The following DMXL1 variants were observed in gnomAD, a reference collection of about 807,000 sequenced individuals.
The protein encoded by DMXL1 is Dmx like 1.
Under a neutral mutation model 319.2 loss-of-function variants are expected in DMXL1, and 99 were observed. That is an observed-to-expected ratio of 0.31 (90% CI 0.26 to 0.37). The LOEUF is 0.37. Ranked by LOEUF, DMXL1 falls within the 10% of genes least tolerant of loss-of-function variation. The probability of loss-of-function intolerance (pLI) is 1.00; values close to 1 mark genes in which losing one functional copy is unlikely to be tolerated. For missense variants in DMXL1, 3,745 were observed against 3,595.6 expected (o/e 1.04, Z -1.06); for synonymous variants, 1,385 against 1,235.2 (o/e 1.12, Z -2.54).
chr5:119,119,153 T>A (rs1761483820), intron 8 of DMXL1, 149 bp downstream of exon 8: 2 of 518,736 alleles, frequency 3.9e-6, no homozygotes, highest in Middle Eastern at 5.3e-4. Flanking sequence ...AAAAACATAT[T>A]TTTATCTAGA....
At chr5:119,207,271 GAATTAATGATATTAA>G (rs1480715157) in intron 34 of DMXL1, among the ~76,000 whole-genome samples, 2 of 151,808 alleles carry the variant, frequency 1.3e-5, no homozygotes, top group Non-Finnish European at 2.9e-5. Context: ...CTAAAATTAG[GAATTAATGATATTAA>G]AATTAATGAT....
chr5:119,236,808 A>ATACC (rs1403531732), intron 39 of DMXL1: 1 of 151,978 alleles, frequency 6.6e-6, no homozygotes, highest in African/African-American at 2.4e-5. Context: ...TGTATCAAGA[A>ATACC]TACCTCCCTT....
chr5:119,162,578 G>C (rs1002279043), intron 19 of DMXL1, among the ~76,000 whole-genome samples: 2 of 152,104 alleles, frequency 1.3e-5, no homozygotes, highest in African/African-American at 4.8e-5. Flanking sequence ...CCATTCACGA[G>C]GGCAATGGCT....
At chr5:119,120,334 G>C (rs1053295895) in intron 8 of DMXL1, among the ~76,000 whole-genome samples, 3 of 152,226 alleles carry the variant, frequency 2.0e-5, no homozygotes, top group African/African-American at 7.2e-5. Context: ...ACAACGAATA[G>C]AATGGTTACA....
rs1285269329 is a variant in DMXL1, at chr5:119,149,921, C to G, written c.4094C>G (p.Ser1365Cys). ...GEVVALNEAE[S>C]NHERRLRSLT... ...GTTGTGGCTCTGAATGAAGCTGAAT[C>G]TAATCATGAACGCCGCCTTAGGTCT... Residue 1365 changes from serine to cysteine, a missense_variant, in exon 18 of 44, where the codon TCT (serine) becomes TGT (cysteine). Ser to Cys is a moderately radical substitution (Grantham distance 112). Transcript: ENST00000539542. 3 of 1,613,878 alleles carry G rather than the reference C, an allele frequency of 1.9e-6. No individual in the cohort carries two copies. The highest frequency in any genetic ancestry group is 1.7e-5 in the Admixed American group (1 of 59,928).
rs151289200 is a variant in DMXL1, at chr5:119,111,454, T to A, written c.497+1171T>A. ...TAAAAAATATTAATTTTGCCTGTTTTAACTTTTTTTAAAAATGTGGCTGAT... is the reference window on the plus strand; with the variant it reads ...TAAAAAATATTAATTTTGCCTGTTTAAACTTTTTTTAAAAATGTGGCTGAT... On this transcript the variant is annotated intron_variant, in intron 5 of 43. Transcript: ENST00000539542. Among the ~76,000 whole-genome samples, 441 of 152,338 alleles carry A rather than the reference T, an allele frequency of 2.9e-3. 2 individuals are homozygous for A. The highest frequency in any genetic ancestry group is 0.01 in the African/African-American group (435 of 41,562).
At chr5:119,155,670 G>GA (rs1428626739) in intron 19 of DMXL1, among the ~76,000 whole-genome samples, 2 of 151,536 alleles carry the variant, frequency 1.3e-5, no homozygotes, top group Non-Finnish European at 2.9e-5. Context: ...CGCCATCTCT[G>GA]AAAAAAATTT....
At chr5:119,231,443 A>T (rs1054888909) in intron 38 of DMXL1, among the ~76,000 whole-genome samples, 7 of 152,238 alleles carry the variant, frequency 4.6e-5, no homozygotes, top group Admixed American at 2.0e-4. Flanking sequence ...TGCTTAAAGG[A>T]TAAAAGTTGC....
At chr5:119,125,079 G>A (rs553853115) in intron 9 of DMXL1, among the ~76,000 whole-genome samples, 6 of 152,128 alleles carry the variant, frequency 3.9e-5, no homozygotes, top group South Asian at 2.1e-4. Context: ...TAAATTTACC[G>A]TTTAAATCTG....
intron 28 of DMXL1, among the ~76,000 whole-genome samples, chr5:119,186,978 G>GT (rs1777836274): frequency 6.6e-6 from 1 of 152,046 alleles, no homozygotes; most frequent in Non-Finnish European, 1.5e-5. Context: ...TAATGTAAAT[G>GT]ACGAGTTAAT....
chr5:119,218,607 C>T (rs1264385379), intron 35 of DMXL1, among the ~76,000 whole-genome samples: 2 of 152,078 alleles, frequency 1.3e-5, no homozygotes, highest in South Asian at 2.1e-4. Flanking sequence ...CAGGTGTGCA[C>T]CACTACACCC....
intron 37 of DMXL1, among the ~76,000 whole-genome samples, chr5:119,222,832 A>T (rs1309972737): frequency 3.9e-5 from 6 of 152,016 alleles, no homozygotes; most frequent in Non-Finnish European, 1.5e-5. Flanking sequence ...TCTTGAACTT[A>T]TTAAGCTCAT....
rs747596948 is a variant in DMXL1, at chr5:119,248,836, C to G, written c.*1617C>G. ...CTATAAATCGTGCAATAACCATATG[C>G]GACTATTTTGCCATGGAGAAATCTG... On this transcript the variant is annotated 3_prime_UTR_variant, in exon 44 of 44. Coordinates refer to ENST00000539542, the MANE Select transcript of DMXL1 (RefSeq NM_001290321.3). 6.6e-6 allele frequency: 1 copy of G among 152,396 alleles called. No homozygotes were observed. The highest frequency in any genetic ancestry group is 2.4e-5 in the African/African-American group (1 of 41,406). 9.4% of individuals were successfully genotyped at this position (152,396 alleles called of 1,614,324 possible).
intron 9 of DMXL1, among the ~76,000 whole-genome samples, chr5:119,122,209 G>A (rs1458275307): frequency 5.0e-5 from 7 of 140,546 alleles, no homozygotes; most frequent in African/African-American, 1.6e-4. Context: ...CAGTAGGGGC[G>A]GCCGGGCAGA....
intron 34 of DMXL1, among the ~76,000 whole-genome samples, chr5:119,207,622 G>A (rs370000101): frequency 2.0e-5 from 3 of 152,100 alleles, no homozygotes; most frequent in Admixed American, 6.5e-5. Flanking sequence ...AGGTTCAAGC[G>A]ATTCTCCTGC....
intron 34 of DMXL1, among the ~76,000 whole-genome samples, chr5:119,209,969 TTTTA>T (rs1186608637): frequency 2.0e-5 from 3 of 152,180 alleles, no homozygotes; most frequent in Non-Finnish European, 4.4e-5. Flanking sequence ...GGTGTTTTCA[TTTTA>T]TTTATTTATT....
intron 34 of DMXL1, among the ~76,000 whole-genome samples, chr5:119,216,208 TC>T (rs1354392337): frequency 2.0e-5 from 3 of 151,542 alleles, no homozygotes; most frequent in Admixed American, 6.6e-5. Flanking sequence ...TTAGTAAGTG[TC>T]GATTTTATAT....
intron 21 of DMXL1, among the ~76,000 whole-genome samples, chr5:119,165,900 C>G (rs890993872): frequency 6.6e-6 from 1 of 152,172 alleles, no homozygotes; most frequent in Non-Finnish European, 1.5e-5. Flanking sequence ...ACAGCCAAAC[C>G]ATATCAGGTA....
intron 1 of DMXL1, among the ~76,000 whole-genome samples, chr5:119,075,539 TGTTA>T (rs1750651024): frequency 6.6e-6 from 1 of 152,102 alleles, no homozygotes; most frequent in Non-Finnish European, 1.5e-5. Flanking sequence ...GCGCCCTGCC[TGTTA>T]GTTTCTTTTT....
Sources: allele counts gnomAD v4.1 joint callset (sites outside exome capture counted in the v4.1 genomes callset), GRCh38; gene constraint gnomAD v4.1.1; transcripts MANE v1.5; gene names NCBI Gene and HGNC (gene_info 2026-07-23, HGNC 2026-07-21).